The following BZW2 variants were observed in gnomAD, a reference collection of about 807,000 sequenced individuals.
The protein encoded by BZW2 is basic leucine zipper and W2 domains 2, also known as eIF5-mimic protein 1.
Under a neutral mutation model 53.2 loss-of-function variants are expected in BZW2, and 23 were observed. The ratio of observed to expected loss-of-function variants is 0.43; its 90% CI spans 0.31 to 0.61. BZW2 has a LOEUF of 0.61. BZW2 is among the 20% of genes least tolerant of loss of function. The probability of loss-of-function intolerance (pLI) is 0.09; values close to 1 mark genes in which losing one functional copy is unlikely to be tolerated. For missense variants in BZW2, 409 were observed against 503.1 expected (o/e 0.81, Z 1.79); for synonymous variants, 227 against 186.4 (o/e 1.22, Z -1.77).
intron 10 of BZW2, among the ~76,000 whole-genome samples, chr7:16,702,420 G>A (rs1562500019): frequency 6.6e-6 from 1 of 152,064 alleles, no homozygotes; most frequent in Admixed American, 6.6e-5. Flanking sequence ...TCCACATTGC[G>A]CCGTTAATAT....
intron 1 of BZW2, among the ~76,000 whole-genome samples, chr7:16,664,315 C>T (rs1028320752): frequency 9.2e-5 from 14 of 152,178 alleles, no homozygotes; most frequent in African/African-American, 3.4e-4. Flanking sequence ...AAATGGCAGG[C>T]ACTGCTAAAG....
At chr7:16,650,555 T>G (rs1464020299) in intron 1 of BZW2, among the ~76,000 whole-genome samples, 2 of 152,238 alleles carry the variant, frequency 1.3e-5, no homozygotes, top group African/African-American at 4.8e-5. Context: ...ACACCTACTT[T>G]CTAATTTGTG....
At chr7:16,668,258 G>A (rs374107449) in intron 2 of BZW2, among the ~76,000 whole-genome samples, 7 of 152,120 alleles carry the variant, frequency 4.6e-5, no homozygotes, top group East Asian at 3.8e-4. Flanking sequence ...GTGAGTCAGC[G>A]AGTAAACTGG....
In BZW2 at chr7:16,654,801, A is replaced by G. The variant is rs534172012; in HGVS notation, c.-8+8513A>G. Among the ~76,000 whole-genome samples, 15 of 152,086 alleles carry G rather than the reference A, an allele frequency of 9.9e-5. No individual in the cohort carries two copies. The East Asian group carries it at 2.9e-3, about 29-fold the overall frequency. On this transcript the variant is annotated intron_variant, in intron 1 of 11. Transcript: ENST00000258761. Reference sequence around the variant, plus strand: ...TGATCCGCCTGCCTCAGCCTCCCAAAGTGCTGGGATTACAGGCATAAGCCA... The same window carrying G: ...TGATCCGCCTGCCTCAGCCTCCCAAGGTGCTGGGATTACAGGCATAAGCCA...
At chr7:16,659,809 G>A (rs1370293750) in intron 1 of BZW2, among the ~76,000 whole-genome samples, 1 of 151,476 alleles carries the variant, frequency 6.6e-6, no homozygotes, top group Non-Finnish European at 1.5e-5. Flanking sequence ...TTTATACTTT[G>A]GGAATGATAT....
rs567567905 is a variant in BZW2 at position 16,698,671 on chromosome 7, G to C, written c.1108+485G>C. On this transcript the variant is annotated intron_variant, in intron 10 of 11. Transcript: ENST00000258761. ...TTTTCCAAGGGAATGGCTATTTTTA[G>C]GTTTTCACATTTACTGTCTTTTCAT... Among the ~76,000 whole-genome samples the C allele has an allele frequency of 1.6e-4, 25 of 152,206 alleles. No homozygotes were observed. In the East Asian group the frequency reaches 4.6e-3, roughly 28 times the overall value.
chr7:16,651,598 G>A (rs1237483197), intron 1 of BZW2, among the ~76,000 whole-genome samples: 1 of 152,188 alleles, frequency 6.6e-6, no homozygotes, highest in African/African-American at 2.4e-5. Flanking sequence ...AAAGGATGCG[G>A]TGTTAGTATT....
At chr7:16,665,840 G>C (rs1041696701) in intron 2 of BZW2, among the ~76,000 whole-genome samples, 1 of 152,130 alleles carries the variant, frequency 6.6e-6, no homozygotes, top group Admixed American at 6.5e-5. Flanking sequence ...TTATGAAAAC[G>C]TTGATGGCAA....
intron 1 of BZW2, among the ~76,000 whole-genome samples, chr7:16,664,523 C>A (rs1052119803): frequency 8.5e-5 from 13 of 152,130 alleles, no homozygotes; most frequent in Non-Finnish European, 1.8e-4. Flanking sequence ...ATTGGAAGAA[C>A]AACAAAGAGA....
At chr7:16,674,373 T>C in intron 2 of BZW2, 39 bp from the exon 3 acceptor site, 1 of 1,454,100 alleles carries the variant, frequency 6.9e-7, no homozygotes, top group South Asian at 1.3e-5. Flanking sequence ...CAGTATTTAT[T>C]TATTTATTTG....
At chr7:16,705,275 C>T (rs981289746) in intron 11 of BZW2, among the ~76,000 whole-genome samples, 2 of 151,220 alleles carry the variant, frequency 1.3e-5, no homozygotes, top group South Asian at 4.2e-4. Context: ...AGGAGAACCA[C>T]TTGAACCAGG....
intron 1 of BZW2, among the ~76,000 whole-genome samples, chr7:16,648,522 C>G (rs929404574): frequency 1.3e-5 from 2 of 152,194 alleles, no homozygotes; most frequent in African/African-American, 4.8e-5. Context: ...CTTAAGTAGC[C>G]TGCTTCTCTC....
intron 1 of BZW2, among the ~76,000 whole-genome samples, chr7:16,656,209 A>T (rs1394760763): frequency 6.6e-6 from 1 of 151,640 alleles, no homozygotes; most frequent in Non-Finnish European, 1.5e-5. Flanking sequence ...GCATTTAGCA[A>T]TGCACCTTTA....
At chr7:16,684,527 A>C (rs905725399) in intron 5 of BZW2, among the ~76,000 whole-genome samples, 3 of 152,218 alleles carry the variant, frequency 2.0e-5, no homozygotes, top group Non-Finnish European at 4.4e-5. Flanking sequence ...TTAAATGAAT[A>C]TGGTTATATG....
Position 16,665,316 on chromosome 7 carries a change from A to G in BZW2, c.-7-121A>G. 3 of 1,224,066 alleles carry G rather than the reference A, an allele frequency of 2.5e-6. No homozygotes were observed. The Admixed American group carries it at 6.0e-5, about 24-fold the overall frequency. 75.8% of individuals were successfully genotyped at this position (1,224,066 alleles called of 1,614,324 possible). The stretch of plus-strand genomic sequence containing the variant: ...GAGACTCTGTCTCAATTGAAAAAAA[A>G]AAAGAGGCATATTCAGTAATGAGTG... On this transcript the variant is annotated intron_variant, in intron 1 of 11. Coordinates refer to ENST00000258761, the MANE Select transcript of BZW2 (RefSeq NM_014038.3).
intron 1 of BZW2, among the ~76,000 whole-genome samples, chr7:16,659,014 C>T (rs1782186917): frequency 6.7e-6 from 1 of 149,912 alleles, no homozygotes; most frequent in Non-Finnish European, 1.5e-5. Flanking sequence ...GGAATCCCAG[C>T]AATTTGGGAG....
chr7:16,691,913 T>C (rs1280436848), intron 7 of BZW2, among the ~76,000 whole-genome samples: 1 of 152,152 alleles, frequency 6.6e-6, no homozygotes, highest in Non-Finnish European at 1.5e-5. Flanking sequence ...TACATATGTG[T>C]GTGTTTGTGT....
chr7:16,654,983 CT>C (rs1365669705), intron 1 of BZW2, among the ~76,000 whole-genome samples: 1 of 152,288 alleles, frequency 6.6e-6, no homozygotes, highest in East Asian at 1.9e-4. Flanking sequence ...TTACCTCTCA[CT>C]TTCAAATAAA....
At chr7:16,689,711 C>G (rs1001816377) in intron 6 of BZW2, 86 bp from the exon 7 acceptor site, 1 of 1,087,204 alleles carries the variant, frequency 9.2e-7, no homozygotes, top group African/African-American at 1.6e-5. Flanking sequence ...GTTATTTACA[C>G]ATTTCAGGAA....
Sources: allele counts gnomAD v4.1 joint callset (sites outside exome capture counted in the v4.1 genomes callset), GRCh38; gene constraint gnomAD v4.1.1; transcripts MANE v1.5; gene names NCBI Gene and HGNC (gene_info 2026-07-23, HGNC 2026-07-21).